The following DNM2 variants were observed in gnomAD, a reference collection of about 807,000 sequenced individuals.
DNM2 encodes the protein dynamin 2.
Under a neutral mutation model 99.0 loss-of-function variants are expected in DNM2, and 15 were observed. The observed-to-expected ratio is 0.15, with a 90% CI of 0.10 to 0.23. The LOEUF (loss-of-function observed/expected upper bound fraction) is 0.23, where lower values mean the gene tolerates loss of function less well. Among genes scored for constraint, DNM2 ranks in the 10% least tolerant of loss-of-function variants. DNM2 has a pLI of 1.00. For synonymous variants in DNM2, 525 were observed against 481.2 expected, an observed-to-expected ratio of 1.09 and a Z score of -1.19; for missense variants, 742 against 1,189.4, an observed-to-expected ratio of 0.62 and a Z score of 5.53.
chr19:10,750,418 G>T (rs2070151425), intron 1 of DNM2, among the ~76,000 whole-genome samples: 1 of 152,012 alleles, frequency 6.6e-6, no homozygotes, highest in Non-Finnish European at 1.5e-5. Flanking sequence ...GTTCAAGGCT[G>T]CAGTGAGGTA....
chr19:10,825,337 C>A, intron 18 of DNM2, 116 bp downstream of exon 18: 1 of 1,412,920 alleles, frequency 7.1e-7, no homozygotes, highest in Non-Finnish European at 9.8e-7. Context: ...GAGTTCAAGA[C>A]CAGCCTGGCC....
intron 2 of DNM2, among the ~76,000 whole-genome samples, chr19:10,766,465 G>A (rs1213623517): frequency 6.6e-6 from 1 of 152,156 alleles, no homozygotes; most frequent in Non-Finnish European, 1.5e-5. Context: ...GCTCCCTTCT[G>A]GGGACACCTC....
rs1048328172 is a variant in DNM2 at position 10,816,247 on chromosome 19, G to T, written c.1672-3733G>T. Among the ~76,000 whole-genome samples, 9 of 152,122 alleles carry T rather than the reference G, an allele frequency of 5.9e-5. No individual in the cohort carries two copies. The highest frequency in any genetic ancestry group is 5.9e-4 in the Admixed American group (9 of 15,274). On this transcript the variant is annotated intron_variant, in intron 15 of 20. Coordinates refer to ENST00000389253, the MANE Select transcript of DNM2 (RefSeq NM_001005361.3). This position sits in a 1 kb window ranked among gnomAD's most constrained non-coding sequence, Gnocchi z 4.6. The stretch of plus-strand genomic sequence containing the variant: ...CAGGCCTGATGTCCCCTTGACTGAG[G>T]ACATTGGGGGTGAAAGGATCATCCC...
intron 1 of DNM2, among the ~76,000 whole-genome samples, chr19:10,743,676 G>A (rs1191804468): frequency 6.6e-6 from 1 of 151,910 alleles, no homozygotes; most frequent in Non-Finnish European, 1.5e-5. Context: ...CGGGTGTGGT[G>A]GCGGGTGCTT....
rs764641981 is a variant in DNM2 at position 10,775,655 on chromosome 19, C to T, written c.386-48C>T. Reference sequence around the variant, plus strand: ...TGGGTGGCTGCGGGCCTGTTTGTGCCTCCCCTCTCCTGGCTCTGAATGCCT... The same window carrying T: ...TGGGTGGCTGCGGGCCTGTTTGTGCTTCCCCTCTCCTGGCTCTGAATGCCT... On this transcript the variant is annotated intron_variant, in intron 3 of 20. Transcript: ENST00000389253. The surrounding 1 kb of genome is among the most constrained non-coding windows in gnomAD (Gnocchi z 4.3). The T allele has an allele frequency of 1.2e-6, 2 of 1,610,494 alleles. No homozygotes were observed. Among genetic ancestry groups the T allele is most frequent in the South Asian group, 1.1e-5 (1 of 90,880 alleles).
intron 11 of DNM2, among the ~76,000 whole-genome samples, chr19:10,800,147 G>A (rs922649074): frequency 7.2e-5 from 11 of 152,214 alleles, no homozygotes; most frequent in African/African-American, 9.6e-5. Context: ...GTGAGCCACT[G>A]CTCCCAGATC....
chr19:10,729,823 A>T (rs891268454), intron 1 of DNM2, among the ~76,000 whole-genome samples: 30 of 151,808 alleles, frequency 2.0e-4, no homozygotes, highest in African/African-American at 7.0e-4. Flanking sequence ...ACTTAGGTAC[A>T]TGCTGGTACC....
intron 2 of DNM2, 120 bp downstream of exon 2, chr19:10,759,931 T>A: frequency 7.4e-7 from 1 of 1,354,280 alleles, no homozygotes; most frequent in South Asian, 1.2e-5. Context: ...TGAATTCACG[T>A]GTTCCACATG....
chr19:10,784,271 C>T (rs1038984389), intron 6 of DNM2, among the ~76,000 whole-genome samples: 30 of 152,132 alleles, frequency 2.0e-4, no homozygotes, highest in African/African-American at 6.3e-4. Flanking sequence ...CCCAACAAAC[C>T]GCCAGATAAA....
chr19:10,733,285 G>A (rs528716757), intron 1 of DNM2, among the ~76,000 whole-genome samples: 99 of 149,232 alleles, frequency 6.6e-4, no homozygotes, highest in Non-Finnish European at 1.3e-3. Flanking sequence ...TCCCCCTCTC[G>A]GGCTCAAACC....
chr19:10,777,031 C>T, intron 4 of DNM2, 87 bp from the exon 5 acceptor site: 1 of 1,338,696 alleles, frequency 7.5e-7, no homozygotes, highest in African/African-American at 1.4e-5. Context: ...AGTTTCAGGG[C>T]CAACTGGACC....
At chr19:10,791,610 C>T (rs1277467360) in intron 7 of DNM2, among the ~76,000 whole-genome samples, 2 of 152,146 alleles carry the variant, frequency 1.3e-5, no homozygotes, top group Non-Finnish European at 2.9e-5. Context: ...TGTAAATCAC[C>T]TCCAGGGCCC....
intron 1 of DNM2, 71 bp downstream of exon 1, chr19:10,718,474 G>C: frequency 7.8e-7 from 1 of 1,287,312 alleles, no homozygotes; most frequent in Non-Finnish European, 9.8e-7. Context: ...GGAATGGCGC[G>C]CCGTGCGCCG....
rs149349404 is a variant in DNM2 at position 10,819,565 on chromosome 19, G to A, written c.1672-415G>A. Among the ~76,000 whole-genome samples, 116 of 152,330 alleles carry A rather than the reference G, an allele frequency of 7.6e-4. 1 individual carries two copies. Among genetic ancestry groups the A allele is most frequent in the Middle Eastern group, 3.4e-3 (1 of 294 alleles). On this transcript the variant is annotated intron_variant, in intron 15 of 20. Coordinates refer to ENST00000389253, the MANE Select transcript of DNM2 (RefSeq NM_001005361.3). ...CCCTGCCCTGGAGAAACTTGAGTCA[G>A]TCCAGTGGCAGTCAGCCACCTAGGT...
Position 10,830,196 on chromosome 19 carries a change from C to T in DNM2, c.2361C>T (p.Pro787=). ...PPGRPPAVRG[P]TPGPPLIPVP... is the part of the protein sequence containing the mutation. Reference sequence around the variant, plus strand: ...GCCGGCCCCCAGCAGTGAGGGGCCCCACTCCAGGGCCCCCCCTGATTCCTG... The same window carrying T: ...GCCGGCCCCCAGCAGTGAGGGGCCCTACTCCAGGGCCCCCCCTGATTCCTG... The change falls in exon 20 of 21, where the codon CCC becomes CCT. Residue 787 remains proline, a synonymous_variant. Coordinates refer to ENST00000389253, the MANE Select transcript of DNM2 (RefSeq NM_001005361.3). The surrounding 1 kb of genome is among the most constrained non-coding windows in gnomAD (Gnocchi z 4.8). 6.2e-7 allele frequency: 1 copy of T among 1,613,218 alleles called. No individual in the cohort carries two copies. Among genetic ancestry groups the T allele is most frequent in the East Asian group, 2.2e-5 (1 of 44,872 alleles).
At chr19:10,793,576 G>A in intron 7 of DNM2, 144 bp from the exon 8 acceptor site, 1 of 1,476,984 alleles carries the variant, frequency 6.8e-7, no homozygotes, top group Non-Finnish European at 9.4e-7. Flanking sequence ...CTTGAATTTG[G>A]TTTATTTGTC....
At chr19:10,771,997 G>C (rs1485824662) in intron 2 of DNM2, among the ~76,000 whole-genome samples, 1 of 152,114 alleles carries the variant, frequency 6.6e-6, no homozygotes, top group East Asian at 1.9e-4. Flanking sequence ...CTTGTCATGA[G>C]AACGAATCTT....
At chr19:10,802,928 G>A (rs1326887287) in intron 12 of DNM2, among the ~76,000 whole-genome samples, 1 of 152,208 alleles carries the variant, frequency 6.6e-6, no homozygotes, top group East Asian at 1.9e-4. Context: ...GATTCCTTCA[G>A]CCCCTTGGCA....
rs894945448 is a variant in DNM2, at chr19:10,796,241, C to T, written c.1196+802C>T. 3.1e-6 allele frequency: 5 copies of T among 1,612,920 alleles called. No homozygotes were observed. The highest frequency in any genetic ancestry group is 2.2e-5 in the East Asian group (1 of 44,864). ...AGGGTGACTCCTGACCTTGTGGAAA[C>T]GGGGGTACGGGGGTTTGGTATCAGG... On this transcript the variant is annotated intron_variant, in intron 9 of 20. Coordinates refer to ENST00000389253, the MANE Select transcript of DNM2 (RefSeq NM_001005361.3). The surrounding 1 kb of genome is among the most constrained non-coding windows in gnomAD (Gnocchi z 5.6).
Sources: allele counts gnomAD v4.1 joint callset (sites outside exome capture counted in the v4.1 genomes callset), GRCh38; gene constraint gnomAD v4.1.1; non-coding constraint Gnocchi (gnomAD v3.1); transcripts MANE v1.5; gene names NCBI Gene and HGNC (gene_info 2026-07-23, HGNC 2026-07-21).